Variants in NIM1K observed in about 807,000 individuals in gnomAD.
The protein encoded by NIM1K is NIM1 serine/threonine protein kinase.
NIM1K carries 35 observed loss-of-function variants against 37.1 expected under a neutral mutation model. The observed-to-expected ratio is 0.94, with a 90% confidence interval of 0.72 to 1.25. NIM1K has a LOEUF of 1.25. Among genes scored for constraint, NIM1K ranks in the 50% most tolerant of loss-of-function variants. The pLI is 0.00. For missense variants in NIM1K, 564 were observed against 548.0 expected, an observed-to-expected ratio of 1.03 and a Z score of -0.29; for synonymous variants, 234 against 206.6, an observed-to-expected ratio of 1.13 and a Z score of -1.14.
chr5:43,257,330 A>G (rs1428607506), intron 2 of NIM1K, among the ~76,000 whole-genome samples: 1 of 150,856 alleles, frequency 6.6e-6, no homozygotes, highest in Non-Finnish European at 1.5e-5. Context: ...AGAGAGGATA[A>G]TGAGGGGAGA....
At chr5:43,223,053 C>T (rs780093743) in intron 1 of NIM1K, among the ~76,000 whole-genome samples, 16 of 147,312 alleles carry the variant, frequency 1.1e-4, no homozygotes, top group African/African-American at 1.0e-4. Context: ...GCAGGAGAAT[C>T]GCTTGAACTT....
At chr5:43,273,156 AG>A (rs1016340698) in intron 2 of NIM1K, among the ~76,000 whole-genome samples, 4 of 150,302 alleles carry the variant, frequency 2.7e-5, no homozygotes, top group Non-Finnish European at 4.4e-5. Context: ...ACTTGCTCCC[AG>A]GCTTGCTGCT....
intron 1 of NIM1K, among the ~76,000 whole-genome samples, chr5:43,208,913 G>A (rs765645675): frequency 2.1e-4 from 32 of 152,204 alleles, no homozygotes; most frequent in Admixed American, 5.9e-4. Flanking sequence ...CCCTAGGGAA[G>A]TGTAAACATA....
At chr5:43,254,930 A>T (rs1032780965) in intron 2 of NIM1K, among the ~76,000 whole-genome samples, 1 of 152,176 alleles carries the variant, frequency 6.6e-6, no homozygotes, top group African/African-American at 2.4e-5. Context: ...TAGCAATTCA[A>T]AATTGTATTT....
chr5:43,214,451 G>C (rs923542503), intron 1 of NIM1K, among the ~76,000 whole-genome samples: 4 of 152,156 alleles, frequency 2.6e-5, no homozygotes, highest in Non-Finnish European at 5.9e-5. Flanking sequence ...CTTGAACTTT[G>C]CAAATATCTT....
intron 2 of NIM1K, among the ~76,000 whole-genome samples, chr5:43,254,463 A>T (rs1475836955): frequency 6.6e-6 from 1 of 152,222 alleles, no homozygotes; most frequent in Non-Finnish European, 1.5e-5. Flanking sequence ...TCCTAGTTAC[A>T]AGCTCCTTGG....
rs954311816 is a variant in NIM1K at position 43,204,440 on chromosome 5, G to A, written c.-695+12029G>A. ...GCACAGTCCAGGAGTGGTGGCTCAC[G>A]CCTATAATCCTAGTGCTTTGGGAGG... On this transcript the variant is annotated intron_variant, in intron 1 of 3. Transcript: ENST00000326035. Among the ~76,000 whole-genome samples the A allele has an allele frequency of 5.3e-5, 8 of 151,248 alleles. No individual in the cohort carries two copies. The East Asian group carries it at 6.1e-4, about 11-fold the overall frequency.
At chr5:43,219,401 C>T (rs1305060557) in intron 1 of NIM1K, among the ~76,000 whole-genome samples, 1 of 151,962 alleles carries the variant, frequency 6.6e-6, no homozygotes, top group Non-Finnish European at 1.5e-5. Context: ...CCACACCTGT[C>T]TAATTCTAAA....
chr5:43,246,868 T>C (rs1752786003), intron 2 of NIM1K, among the ~76,000 whole-genome samples: 1 of 152,112 alleles, frequency 6.6e-6, no homozygotes, highest in South Asian at 2.1e-4. Flanking sequence ...GTCTGGGGAT[T>C]ATCATAAGGG....
intron 1 of NIM1K, among the ~76,000 whole-genome samples, chr5:43,227,918 G>T (rs7701510): frequency 0.38 from 57,804 of 151,756 alleles, 11,727 homozygotes; most frequent in Non-Finnish European, 0.44. Context: ...ATTCTCACTT[G>T]CCAGTAAAGA....
Position 43,245,599 on chromosome 5 carries a change from C to G in NIM1K, c.-177C>G, listed in dbSNP as rs1214299941. 3.4e-6 allele frequency: 2 copies of G among 582,446 alleles called. No individual in the cohort carries two copies. The highest frequency in any genetic ancestry group is 5.9e-6 in the Non-Finnish European group (2 of 338,736). The allele number at this position is 582,446 out of a possible 1,614,324, so 36.1% of individuals were successfully genotyped here. A position where few individuals can be genotyped will look rare whatever the true frequency, so the allele number is the denominator to read the frequency against. On this transcript the variant is annotated 5_prime_UTR_variant, in exon 2 of 4. Transcript: ENST00000326035. ...GGCTGGGCTGGGCAGACTCAGCTACCACGTTCACTGCCTTCCTCTCACTAA... is the reference window on the plus strand; with the variant it reads ...GGCTGGGCTGGGCAGACTCAGCTACGACGTTCACTGCCTTCCTCTCACTAA...
At chr5:43,247,876 T>C (rs1752807447) in intron 2 of NIM1K, among the ~76,000 whole-genome samples, 1 of 152,226 alleles carries the variant, frequency 6.6e-6, no homozygotes, top group South Asian at 2.1e-4. Context: ...GAATATTCAT[T>C]TATTATTCAT....
chr5:43,214,462 T>C (rs1752268641), intron 1 of NIM1K, among the ~76,000 whole-genome samples: 1 of 152,192 alleles, frequency 6.6e-6, no homozygotes, highest in African/African-American at 2.4e-5. Context: ...CAAATATCTT[T>C]CCTTATTTAT....
At chr5:43,219,847 CG>C (rs1561077230) in intron 1 of NIM1K, among the ~76,000 whole-genome samples, 1 of 151,828 alleles carries the variant, frequency 6.6e-6, no homozygotes, top group African/African-American at 2.4e-5. Flanking sequence ...CTCAGCCGCC[CG>C]AGTGAGTAGC....
chr5:43,214,570 CT>C (rs1292523434), intron 1 of NIM1K, among the ~76,000 whole-genome samples: 1 of 151,208 alleles, frequency 6.6e-6, no homozygotes, highest in African/African-American at 2.4e-5. Flanking sequence ...AATCCTAGCA[CT>C]TTGGGAGGCC....
At chr5:43,260,816 T>C (rs569779378) in intron 2 of NIM1K, among the ~76,000 whole-genome samples, 35 of 151,860 alleles carry the variant, frequency 2.3e-4, no homozygotes, top group Non-Finnish European at 2.8e-4. Context: ...TGTGTCCAGG[T>C]GTTCTCATTG....
At chr5:43,212,226 G>A (rs1752214051) in intron 1 of NIM1K, among the ~76,000 whole-genome samples, 1 of 152,082 alleles carries the variant, frequency 6.6e-6, no homozygotes, top group Non-Finnish European at 1.5e-5. Flanking sequence ...GGGGAAGGTA[G>A]AGGACAGGAA....
chr5:43,207,354 A>G (rs1752132665), intron 1 of NIM1K: 1 of 779,904 alleles, frequency 1.3e-6, no homozygotes, highest in Admixed American at 1.7e-5. Flanking sequence ...GAGCTTGACC[A>G]AATGGTGATC....
intron 2 of NIM1K, among the ~76,000 whole-genome samples, chr5:43,246,543 A>G (rs1022656116): frequency 1.3e-5 from 2 of 151,764 alleles, no homozygotes; most frequent in Admixed American, 1.3e-4. Context: ...AGTGCGGCAC[A>G]GGAGATCCCC....
Sources: allele counts gnomAD v4.1 joint callset (sites outside exome capture counted in the v4.1 genomes callset), GRCh38; gene constraint gnomAD v4.1.1; transcripts MANE v1.5; gene names NCBI Gene and HGNC (gene_info 2026-07-23, HGNC 2026-07-21).